The following ABCA12 variants were observed in gnomAD, a reference collection of about 807,000 sequenced individuals.
ABCA12 encodes the protein glucosylceramide transporter ABCA12.
Under a neutral mutation model 293.5 loss-of-function variants are expected in ABCA12, and 156 were observed. The ratio of observed to expected loss-of-function variants is 0.53; its 90% CI spans 0.47 to 0.61. The LOEUF is 0.61. Among genes scored for constraint, ABCA12 ranks in the 20% least tolerant of loss-of-function variants. The pLI is 0.00. For missense variants in ABCA12, 2,797 were observed against 3,090.2 expected (o/e 0.91, Z 2.25); for synonymous variants, 1,063 against 1,108.0 (o/e 0.96, Z 0.81).
At chr2:214,966,369 T>A (rs1699258858) in intron 39 of ABCA12, among the ~76,000 whole-genome samples, 1 of 152,130 alleles carries the variant, frequency 6.6e-6, no homozygotes, top group Non-Finnish European at 1.5e-5. Context: ...AACCTGCACA[T>A]CTGGCACATG....
intron 6 of ABCA12, among the ~76,000 whole-genome samples, chr2:215,046,577 G>T (rs896864361): frequency 2.0e-5 from 3 of 150,442 alleles, no homozygotes; most frequent in Non-Finnish European, 4.4e-5. Flanking sequence ...CACATACTTA[G>T]TGCTATGTGA....
At chr2:214,948,560 G>C in intron 47 of ABCA12, 36 bp downstream of exon 47, 1 of 1,610,996 alleles carries the variant, frequency 6.2e-7, no homozygotes, top group Non-Finnish European at 8.5e-7. Flanking sequence ...AACAATAATG[G>C]TTTCAAATTA....
At chr2:215,128,311 T>C (rs1231784138) in intron 1 of ABCA12, among the ~76,000 whole-genome samples, 2 of 152,234 alleles carry the variant, frequency 1.3e-5, no homozygotes, top group Non-Finnish European at 2.9e-5. Context: ...TTCCCAGGTG[T>C]TCTTTGTGCT....
chr2:215,064,460 T>C (rs1460624617), intron 2 of ABCA12, among the ~76,000 whole-genome samples: 9 of 152,052 alleles, frequency 5.9e-5, no homozygotes, highest in Non-Finnish European at 2.9e-5. Context: ...AAATGCCTGG[T>C]TACCCCATGA....
chr2:215,014,452 A>G (rs72950241), intron 15 of ABCA12, among the ~76,000 whole-genome samples: 6,077 of 152,318 alleles, frequency 0.04, 138 homozygotes, highest in South Asian at 0.11. Context: ...TAGCCAAGTA[A>G]GAAATGAGAT....
At chr2:214,950,328 A>T (rs1394027574) in intron 45 of ABCA12, among the ~76,000 whole-genome samples, 1 of 151,518 alleles carries the variant, frequency 6.6e-6, no homozygotes, top group Non-Finnish European at 1.5e-5. Flanking sequence ...ATATGTGTAT[A>T]CATATATATG....
chr2:215,048,460 C>T (rs752599363), intron 6 of ABCA12, among the ~76,000 whole-genome samples: 68 of 151,734 alleles, frequency 4.5e-4, no homozygotes, highest in Admixed American at 3.2e-3. Context: ...TTTGGGAGGC[C>T]GAGGCAGGTG....
chr2:214,947,792 C>G (rs1368336182), intron 47 of ABCA12: 6 of 523,386 alleles, frequency 1.1e-5, no homozygotes, highest in Non-Finnish European at 2.0e-5. Context: ...ATTCCCTCCC[C>G]CACCAAACGT....
intron 2 of ABCA12, chr2:215,082,782 A>G (rs1354244270): frequency 6.6e-6 from 1 of 152,198 alleles, no homozygotes; most frequent in Non-Finnish European, 1.5e-5. Context: ...TATCTTAAAG[A>G]GTTTGCTCAA....
At chr2:215,131,378 C>A (rs568848727) in intron 1 of ABCA12, among the ~76,000 whole-genome samples, 1 of 151,040 alleles carries the variant, frequency 6.6e-6, no homozygotes, top group African/African-American at 2.4e-5. Flanking sequence ...CTTTTTTTAT[C>A]GGGAGATTTT....
chr2:214,944,172 G>A (rs1698499750), intron 49 of ABCA12, among the ~76,000 whole-genome samples: 1 of 98,302 alleles, frequency 1.0e-5, no homozygotes, highest in African/African-American at 5.6e-5. Flanking sequence ...CAGCACTTTG[G>A]TAGGCCAAGG....
At chr2:214,942,373 C>T (rs979892119) in intron 50 of ABCA12, among the ~76,000 whole-genome samples, 1 of 152,104 alleles carries the variant, frequency 6.6e-6, no homozygotes, top group African/African-American at 2.4e-5. Context: ...TGGAGATTAA[C>T]ATGGATATGT....
chr2:214,942,894 C>T (rs1049924885), intron 50 of ABCA12, 31 bp downstream of exon 50: 2 of 1,578,034 alleles, frequency 1.3e-6, no homozygotes, highest in South Asian at 1.1e-5. Flanking sequence ...TGACCCAACA[C>T]TATCTGTTAA....
chr2:215,010,909 T>C (rs532455250), intron 17 of ABCA12, among the ~76,000 whole-genome samples: 6 of 152,192 alleles, frequency 3.9e-5, no homozygotes, highest in East Asian at 1.9e-4. Flanking sequence ...CATATATTAT[T>C]TGAATGAGCT....
rs1699893636 is a variant in ABCA12 at position 214,990,765 on chromosome 2, G to A, written c.3561C>T (p.Phe1187=). The change falls in exon 24 of 53, where the codon TTC becomes TTT. Residue 1187 remains phenylalanine (F), a synonymous_variant. Coordinates refer to ENST00000272895, the MANE Select transcript of ABCA12 (RefSeq NM_173076.3). ...LIGSLIYIIA[F]FPFIVLVTVE... ...CTGTAACCAGAACAATAAATGGAAA[G>A]AAGGCAATGATGTAGATGAGGCTTC... The A allele has an allele frequency of 2.5e-6, 4 of 1,614,092 alleles. No homozygotes were observed. The East Asian group carries it at 8.9e-5, about 36-fold the overall frequency.
chr2:214,978,535 CTTTGAT>C (rs1699574228), intron 32 of ABCA12, 69 bp from the exon 33 acceptor site: 8 of 1,557,438 alleles, frequency 5.1e-6, no homozygotes, highest in Non-Finnish European at 6.1e-6. Context: ...CTAAGCTTAC[CTTTGAT>C]TTTGAACTTT....
chr2:215,046,120 A>C (rs1701197412), intron 6 of ABCA12, 105 bp from the exon 7 acceptor site: 2 of 1,190,032 alleles, frequency 1.7e-6, no homozygotes, highest in East Asian at 5.0e-5. Context: ...TCACATAAGC[A>C]ATTCTTTTAG....
chr2:215,129,219 G>T (rs1176132058), intron 1 of ABCA12, among the ~76,000 whole-genome samples: 1 of 152,130 alleles, frequency 6.6e-6, no homozygotes, highest in Non-Finnish European at 1.5e-5. Flanking sequence ...ATCAGGAGAG[G>T]GGAGTCTCCC....
At chr2:215,118,673 C>T (rs1034898637) in intron 1 of ABCA12, among the ~76,000 whole-genome samples, 1 of 151,880 alleles carries the variant, frequency 6.6e-6, no homozygotes, top group Non-Finnish European at 1.5e-5. Context: ...ATGTACCAGA[C>T]AGTGGGGATA....
Sources: gnomAD v4.1 joint callset for allele counts (sites outside exome capture counted in the v4.1 genomes callset) on GRCh38, gnomAD v4.1.1 for gene constraint, MANE v1.5 for transcripts, NCBI Gene and HGNC (gene_info 2026-07-23, HGNC 2026-07-21) for gene names.